Variants in LRFN1 observed in about 807,000 individuals in gnomAD.
LRFN1 encodes the protein leucine-rich repeat and fibronectin type III domain-containing protein 1.
In LRFN1, 20 loss-of-function variants were observed where a neutral mutation model predicts 31.8. The ratio of observed to expected loss-of-function variants is 0.63; its 90% CI spans 0.44 to 0.91. The LOEUF is 0.91. Ranked by LOEUF, LRFN1 falls within the 40% of genes least tolerant of loss-of-function variation. The pLI is 0.00. For synonymous variants in LRFN1, 514 were observed against 541.3 expected, an observed-to-expected ratio of 0.95 and a Z score of 0.70; for missense variants, 912 against 1,129.8, an observed-to-expected ratio of 0.81 and a Z score of 2.76.
Position 39,307,489 on chromosome 19 carries a change from GC to G in LRFN1, c.*143del. 1 of 968,296 alleles carries G rather than the reference GC, an allele frequency of 1.0e-6. No individual in the cohort carries two copies. The highest frequency in any genetic ancestry group is 3.3e-5 in the East Asian group (1 of 30,324). The allele number at this position is 968,296 out of a possible 1,614,324, so 60.0% of individuals were successfully genotyped here. A position where few individuals can be genotyped will look rare whatever the true frequency, so the allele number is the denominator to read the frequency against. ...TGGCCTCGAGCCGCAGCCCGAGGCT[GC>G]CCCGCCCCCTCCCGGGGACAAGGGC... On this transcript the variant is annotated 3_prime_UTR_variant, in exon 5 of 5. Transcript: ENST00000248668. This position sits in a 1 kb window ranked among gnomAD's most constrained non-coding sequence, Gnocchi z 6.7.
Position 39,307,185 on chromosome 19 carries a change from C to G in LRFN1, c.*448G>C. 1 of 397,070 alleles carries G rather than the reference C, an allele frequency of 2.5e-6. No individual in the cohort carries two copies. Among genetic ancestry groups the G allele is most frequent in the Non-Finnish European group, 4.4e-6 (1 of 225,578 alleles). 24.6% of individuals were successfully genotyped at this position (397,070 alleles called of 1,614,324 possible). A position where few individuals can be genotyped will look rare whatever the true frequency, so the allele number is the denominator to read the frequency against. Reference sequence around the variant, plus strand: ...AATGTGCGTGGGGTGGGGTGGGAGGCTTTGGAGGCCGCCGCGGGACAGAAT... The same window carrying G: ...AATGTGCGTGGGGTGGGGTGGGAGGGTTTGGAGGCCGCCGCGGGACAGAAT... On this transcript the variant is annotated 3_prime_UTR_variant, in exon 5 of 5. Coordinates refer to ENST00000248668, the MANE Select transcript of LRFN1 (RefSeq NM_020862.2). This position sits in a 1 kb window ranked among gnomAD's most constrained non-coding sequence, Gnocchi z 6.7.
At chr19:39,312,847 A>C (rs1216124796) in intron 4 of LRFN1, among the ~76,000 whole-genome samples, 1 of 151,856 alleles carries the variant, frequency 6.6e-6, no homozygotes, top group Non-Finnish European at 1.5e-5. Flanking sequence ...AGATGGAGAG[A>C]CATGGCAAGG....
At chr19:39,313,809 G>T in intron 4 of LRFN1, 122 bp downstream of exon 4, 1 of 856,758 alleles carries the variant, frequency 1.2e-6, no homozygotes, top group Non-Finnish European at 1.8e-6. Flanking sequence ...AGGAGGGCGG[G>T]AACAGCTCTC....
chr19:39,307,927 G>A lies in LRFN1; in HGVS notation c.2022C>T (p.Ser674=). The change falls in exon 5 of 5, where the codon TCC becomes TCT. Residue 674 remains serine (S), a synonymous_variant. Transcript: ENST00000248668. This position sits in a 1 kb window ranked among gnomAD's most constrained non-coding sequence, Gnocchi z 6.7. ...RAAVGPRRSR[S]GALEPPTSAP... ...CCGAGGTTGGTGGCTCCAGGGCGCC[G>A]GATCGGCTCCTTCGAGGGCCCACCG... The A allele has an allele frequency of 1.9e-6, 3 of 1,568,736 alleles. No individual in the cohort carries two copies. Among genetic ancestry groups the A allele is most frequent in the East Asian group, 2.4e-5 (1 of 42,514 alleles).
chr19:39,316,836 G>A (rs1240782091), intron 2 of LRFN1, among the ~76,000 whole-genome samples: 1 of 152,164 alleles, frequency 6.6e-6, no homozygotes, highest in Non-Finnish European at 1.5e-5. Context: ...GTGGGCGGGG[G>A]GTGAAGAGGA....
At chr19:39,318,576 G>A (rs922621188) in intron 1 of LRFN1, among the ~76,000 whole-genome samples, 2 of 152,066 alleles carry the variant, frequency 1.3e-5, no homozygotes, top group African/African-American at 2.4e-5. Context: ...CCCAGGAGTC[G>A]AGGACTTTAG....
Position 39,315,691 on chromosome 19 carries a change from C to A in LRFN1, c.-37-318G>T, listed in dbSNP as rs905568092. ...AAAATTAGCTGGGCATGGTGGTGGGCGCCTGTAATCCCAGCTACTTGGGAG... is the reference window on the plus strand; with the variant it reads ...AAAATTAGCTGGGCATGGTGGTGGGAGCCTGTAATCCCAGCTACTTGGGAG... On this transcript the variant is annotated intron_variant, in intron 3 of 4. Coordinates refer to ENST00000248668, the MANE Select transcript of LRFN1 (RefSeq NM_020862.2). This position sits in a 1 kb window ranked among gnomAD's most constrained non-coding sequence, Gnocchi z 4.7. Among the ~76,000 whole-genome samples the A allele has an allele frequency of 6.6e-6, 1 of 151,926 alleles. No individual in the cohort carries two copies. Among genetic ancestry groups the A allele is most frequent in the Admixed American group, 6.6e-5 (1 of 15,252 alleles).
rs35232910 is a variant in LRFN1, at chr19:39,320,305, G to GACACACACACAC, written c.-126+476_-126+487dup. Among the ~76,000 whole-genome samples the GACACACACACAC allele has an allele frequency of 5.0e-3, 673 of 134,720 alleles. 3 individuals carry two copies. The highest frequency in any genetic ancestry group is 9.9e-3 in the African/African-American group (359 of 36,268). 88.4% of individuals were successfully genotyped at this position (134,720 alleles called of 152,430 possible). A position where few individuals can be genotyped will look rare whatever the true frequency, so the allele number is the denominator to read the frequency against. On this transcript the variant is annotated intron_variant, in intron 1 of 4. Coordinates refer to ENST00000248668, the MANE Select transcript of LRFN1 (RefSeq NM_020862.2). ...CACCCTCGGAGACATACAACCCGCA[G>GACACACACACAC]ACACACACACACACACACACACACA...
intron 4 of LRFN1, among the ~76,000 whole-genome samples, chr19:39,310,773 C>G (rs532522631): frequency 6.6e-6 from 1 of 152,154 alleles, no homozygotes. Flanking sequence ...CCGATGCTTC[C>G]GCTTCCCCTC....
Position 39,314,908 on chromosome 19 carries a change from G to T in LRFN1, c.429C>A (p.Ile143=), listed in dbSNP as rs1260075117. ...CCCGGCGGATCTGGTTGTTTCCAAG[G>T]ATCAGGTGGCGGAGGTTGCCCAGGC... ...LRGLGNLRHL[I]LGNNQIRRVE... Residue 143 remains isoleucine, a synonymous_variant, in exon 4 of 5, where the codon ATC becomes ATA. Transcript: ENST00000248668. 1 of 1,608,832 alleles carries T rather than the reference G, an allele frequency of 6.2e-7. No homozygotes were observed. Among genetic ancestry groups the T allele is most frequent in the East Asian group, 2.2e-5 (1 of 44,692 alleles).
At position 39,314,233 on chromosome 19, in the gene LRFN1, G is replaced by A. The variant is rs199941462; in HGVS notation, c.1104C>T (p.Phe368=). The part of the protein sequence containing the change: ...TITTLRDSGT[F]TCIASNAAGE... ...CAGCAGCATTGGAGGCGATACAAGT[G>A]AAGGTGCCACTGTCCCTCAAGGTGG... The change falls in exon 4 of 5, where the codon TTC becomes TTT. Residue 368 remains phenylalanine, a synonymous_variant. Coordinates refer to ENST00000248668, the MANE Select transcript of LRFN1 (RefSeq NM_020862.2). The A allele has an allele frequency of 5.2e-4, 845 of 1,613,286 alleles. No individual in the cohort carries two copies. The highest frequency in any genetic ancestry group is 6.8e-4 in the Non-Finnish European group (799 of 1,179,682).
Position 39,315,474 on chromosome 19 carries a change from G to T in LRFN1, c.-37-101C>A. 2 of 750,478 alleles carry T rather than the reference G, an allele frequency of 2.7e-6. No individual in the cohort carries two copies. The highest frequency in any genetic ancestry group is 4.1e-6 in the Non-Finnish European group (2 of 485,380). 46.5% of individuals were successfully genotyped at this position (750,478 alleles called of 1,614,324 possible). A position where few individuals can be genotyped will look rare whatever the true frequency, so the allele number is the denominator to read the frequency against. ...ATCCCTCCCCTACCGCCTACAGCTG[G>T]GTTCCATAGGATGGTGAGAGGAAGC... On this transcript the variant is annotated intron_variant, in intron 3 of 4. Transcript: ENST00000248668. The surrounding 1 kb of genome is among the most constrained non-coding windows in gnomAD (Gnocchi z 4.7).
chr19:39,309,415 T>C (rs1223960903), intron 4 of LRFN1, among the ~76,000 whole-genome samples: 2 of 143,056 alleles, frequency 1.4e-5, no homozygotes, highest in African/African-American at 2.7e-5. Context: ...GACCACATCA[T>C]TGCACTCTAG....
At chr19:39,313,388 G>A (rs2075157591) in intron 4 of LRFN1, among the ~76,000 whole-genome samples, 1 of 152,154 alleles carries the variant, frequency 6.6e-6, no homozygotes, top group Non-Finnish European at 1.5e-5. Context: ...AAACTTAGCT[G>A]GGTGTGTTGG....
intron 4 of LRFN1, among the ~76,000 whole-genome samples, chr19:39,313,357 C>T (rs539798437): frequency 1.3e-5 from 2 of 152,240 alleles, no homozygotes; most frequent in South Asian, 4.1e-4. Context: ...ATGGTAAAAT[C>T]CTGTCTCTAC....
At position 39,307,298 on chromosome 19, in the gene LRFN1, T is replaced by C; in HGVS notation, c.*335A>G. ...GGGGAGGGGGCTCGTGTCTCAGTGCTGCAGTGTCAGGGGGCCCTGCCCCTC... is the reference window on the plus strand; with the variant it reads ...GGGGAGGGGGCTCGTGTCTCAGTGCCGCAGTGTCAGGGGGCCCTGCCCCTC... On this transcript the variant is annotated 3_prime_UTR_variant, in exon 5 of 5. Coordinates refer to ENST00000248668, the MANE Select transcript of LRFN1 (RefSeq NM_020862.2). The surrounding 1 kb of genome is among the most constrained non-coding windows in gnomAD (Gnocchi z 6.7). The C allele has an allele frequency of 2.5e-6, 1 of 399,466 alleles. No homozygotes were observed. Among genetic ancestry groups the C allele is most frequent in the Non-Finnish European group, 4.4e-6 (1 of 226,482 alleles). The allele number at this position is 399,466 out of a possible 1,614,324, so 24.7% of individuals were successfully genotyped here. A position where few individuals can be genotyped will look rare whatever the true frequency, so the allele number is the denominator to read the frequency against.
chr19:39,314,617 C>A lies in LRFN1; in HGVS notation c.720G>T (p.Lys240Asn), dbSNP rs776533465. 1 of 1,610,170 alleles carries A rather than the reference C, an allele frequency of 6.2e-7. No homozygotes were observed. Among genetic ancestry groups the A allele is most frequent in the South Asian group, 1.1e-5 (1 of 90,656 alleles). Residue 240 changes from lysine to asparagine, a missense_variant, in exon 4 of 5, where the codon AAG (lysine) becomes AAT (asparagine). Transcript: ENST00000248668. ...AGCTGACGGTCAGCGGGGTGGGCGG[C>A]TTGGGCCCGGTGCCCTGCGACCTCA... is the stretch of plus-strand genomic sequence containing the variant. The part of the protein sequence containing the change: ...LFLRSQGTGP[K>N]PPTPLTVSFG...
intron 1 of LRFN1, among the ~76,000 whole-genome samples, chr19:39,319,089 CACAA>C (rs1381420589): frequency 1.3e-5 from 2 of 152,232 alleles, no homozygotes; most frequent in Non-Finnish European, 2.9e-5. Context: ...AACACCAAAA[CACAA>C]ACAGACTCAC....
chr19:39,319,064 C>A (rs1056201671), intron 1 of LRFN1, among the ~76,000 whole-genome samples: 1 of 152,186 alleles, frequency 6.6e-6, no homozygotes, highest in Non-Finnish European at 1.5e-5. Flanking sequence ...TGAACATACA[C>A]AACCCCCAGA....
Sources: allele counts gnomAD v4.1 joint callset (sites outside exome capture counted in the v4.1 genomes callset), GRCh38; gene constraint gnomAD v4.1.1; non-coding constraint Gnocchi (gnomAD v3.1); transcripts MANE v1.5; gene names NCBI Gene and HGNC (gene_info 2026-07-23, HGNC 2026-07-21).